The following SGCD variants were observed in gnomAD, a reference collection of about 807,000 sequenced individuals.
SGCD encodes the protein delta-sarcoglycan.
Under a neutral mutation model 36.6 loss-of-function variants are expected in SGCD, and 18 were observed. The ratio of observed to expected loss-of-function variants is 0.49; its 90% CI spans 0.34 to 0.73. The LOEUF is 0.73. Ranked by LOEUF, SGCD falls within the 30% of genes least tolerant of loss-of-function variation. The pLI is 0.01. For synonymous variants in SGCD, 133 were observed against 130.6 expected (o/e 1.02, Z -0.12); for missense variants, 387 against 346.7 (o/e 1.12, Z -0.92).
At chr5:156,060,388 C>A (rs1760174325) in intron 1 of SGCD, among the ~76,000 whole-genome samples, 1 of 146,312 alleles carries the variant, frequency 6.8e-6, no homozygotes, top group Non-Finnish European at 1.5e-5. Flanking sequence ...TCTGGATGAT[C>A]AGGTTATAGA....
At chr5:156,204,456 T>G (rs184665578) in intron 3 of SGCD, among the ~76,000 whole-genome samples, 1 of 142,180 alleles carries the variant, frequency 7.0e-6, no homozygotes, top group Non-Finnish European at 1.5e-5. Flanking sequence ...GTTTAACTAG[T>G]TTAGCCAACA....
chr5:156,396,562 A>G (rs1771860723), intron 3 of SGCD, among the ~76,000 whole-genome samples: 1 of 152,136 alleles, frequency 6.6e-6, no homozygotes, highest in Non-Finnish European at 1.5e-5. Flanking sequence ...TTCTGCCAAC[A>G]GTATTGATTG....
intron 1 of SGCD, among the ~76,000 whole-genome samples, chr5:155,953,044 G>A (rs1417216181): frequency 1.3e-5 from 2 of 152,072 alleles, no homozygotes; most frequent in Non-Finnish European, 2.9e-5. Context: ...TGCACAGAAA[G>A]GCTTTTTTTA....
intron 1 of SGCD, among the ~76,000 whole-genome samples, chr5:156,032,149 A>T (rs1759360602): frequency 6.6e-6 from 1 of 152,172 alleles, no homozygotes; most frequent in Admixed American, 6.5e-5. Context: ...AATAAAAAAA[A>T]AAACCTAACA....
At chr5:155,861,478 G>A in the SGCD span, among the ~76,000 whole-genome samples, 284 of 151,888 alleles carry the variant, frequency 1.9e-3, 2 homozygotes, top group African/African-American at 6.3e-3. Context: ...CGAGGCGGGC[G>A]GATCACAAGG....
intron 3 of SGCD, among the ~76,000 whole-genome samples, chr5:156,386,043 C>T (rs1054956133): frequency 5.3e-5 from 8 of 152,194 alleles, no homozygotes; most frequent in Admixed American, 1.3e-4. Context: ...ATGATGACTA[C>T]AGTGTTTCTT....
In SGCD at chr5:155,872,351, GCACA is replaced by G. The variant is rs3085993; in HGVS notation, c.-282+1959_-282+1962del. On this transcript the variant is annotated intron_variant, in intron 1 of 9. Transcript: ENST00000517913. ...CAATTCAAGTGTTGTCTTCTCTTCA[GCACA>G]CACACACACACACACACACACACAC... is the stretch of plus-strand genomic sequence containing the variant. Among the ~76,000 whole-genome samples, 939 of 145,026 alleles carry G rather than the reference GCACA, an allele frequency of 6.5e-3. 6 individuals carry two copies. Among genetic ancestry groups the G allele is most frequent in the East Asian group, 0.049 (240 of 4,948 alleles).
intron 7 of SGCD, among the ~76,000 whole-genome samples, chr5:156,726,432 A>G (rs1346643386): frequency 6.6e-6 from 1 of 152,160 alleles, no homozygotes; most frequent in Non-Finnish European, 1.5e-5. Flanking sequence ...CTTGTGTACC[A>G]CACTCTGCAA....
At chr5:156,137,023 T>C (rs1762476629) in intron 3 of SGCD, among the ~76,000 whole-genome samples, 1 of 152,204 alleles carries the variant, frequency 6.6e-6, no homozygotes, top group African/African-American at 2.4e-5. Context: ...AAAAGTTGAA[T>C]GTTGGCCTGT....
intron 1 of SGCD, among the ~76,000 whole-genome samples, chr5:156,036,693 G>A (rs1165435188): frequency 1.3e-5 from 2 of 152,114 alleles, no homozygotes; most frequent in Admixed American, 1.3e-4. Context: ...GCTGGTAACA[G>A]GGCTAGCTAG....
chr5:156,465,448 G>A (rs1310158692), intron 3 of SGCD, among the ~76,000 whole-genome samples: 3 of 152,110 alleles, frequency 2.0e-5, no homozygotes, highest in Non-Finnish European at 4.4e-5. Context: ...GTTACTTCTG[G>A]TAAGGTTCAT....
In SGCD at chr5:156,043,487, C is replaced by T. The variant is rs190022299; in HGVS notation, c.-281-74391C>T. Among the ~76,000 whole-genome samples the T allele has an allele frequency of 7.9e-5, 12 of 152,290 alleles. No homozygotes were observed. In the East Asian group the frequency reaches 2.3e-3, roughly 29 times the overall value. On this transcript the variant is annotated intron_variant, in intron 1 of 9. Transcript: ENST00000517913. ...TTTCACCTCTCTAGTGTCTCCTATT[C>T]TTGGCTCAGCACTGGGAAAGTGGGG...
At chr5:156,142,315 A>AGTC (rs1762601726) in intron 3 of SGCD, among the ~76,000 whole-genome samples, 1 of 152,230 alleles carries the variant, frequency 6.6e-6, no homozygotes, top group Non-Finnish European at 1.5e-5. Context: ...TAAATTAACC[A>AGTC]GTCTCAAGTA....
intron 1 of SGCD, among the ~76,000 whole-genome samples, chr5:155,898,666 G>A (rs1352489981): frequency 1.3e-5 from 2 of 152,178 alleles, no homozygotes; most frequent in South Asian, 2.1e-4. Context: ...TATCATAAAT[G>A]TGGGTTCTTC....
intron 1 of SGCD, among the ~76,000 whole-genome samples, chr5:155,944,700 A>C (rs1030453541): frequency 6.6e-6 from 1 of 152,160 alleles, no homozygotes; most frequent in African/African-American, 2.4e-5. Flanking sequence ...ACCCTCAAGA[A>C]ACTCATTATC....
intron 1 of SGCD, among the ~76,000 whole-genome samples, chr5:156,114,312 G>T (rs1365679585): frequency 6.6e-6 from 1 of 151,982 alleles, no homozygotes; most frequent in Non-Finnish European, 1.5e-5. Flanking sequence ...ACCTAAAACT[G>T]CTATAATAAG....
chr5:156,109,574 A>G (rs967936882), intron 1 of SGCD, among the ~76,000 whole-genome samples: 2 of 152,174 alleles, frequency 1.3e-5, no homozygotes, highest in Non-Finnish European at 2.9e-5. Flanking sequence ...TCATCCATCC[A>G]TATAGGAATT....
the SGCD span, among the ~76,000 whole-genome samples, chr5:155,838,352 G>C: frequency 3.3e-5 from 5 of 152,170 alleles, no homozygotes; most frequent in East Asian, 9.6e-4. Context: ...AGCCTGTTAA[G>C]TTCCTTTTAG....
intron 3 of SGCD, 84 bp downstream of exon 3, chr5:156,344,761 A>G (rs920461878): frequency 3.1e-5 from 34 of 1,101,142 alleles, no homozygotes; most frequent in Non-Finnish European, 4.1e-5. Flanking sequence ...TGGAAAAGTG[A>G]TATTATTACA....
Sources: allele counts gnomAD v4.1 joint callset (sites outside exome capture counted in the v4.1 genomes callset), GRCh38; gene constraint gnomAD v4.1.1; transcripts MANE v1.5; gene names NCBI Gene and HGNC (gene_info 2026-07-23, HGNC 2026-07-21).